Variants in UGT1A4 observed in about 807,000 individuals in gnomAD.
UGT1A4 encodes the protein UDP-glucuronosyltransferase 1A4.
UGT1A4 carries 32 observed loss-of-function variants against 41.1 expected under a neutral mutation model. The ratio of observed to expected loss-of-function variants is 0.78; its 90% CI spans 0.59 to 1.05. The LOEUF (loss-of-function observed/expected upper bound fraction) is 1.05, where lower values mean the gene tolerates loss of function less well. UGT1A4 is among the 50% of genes least tolerant of loss of function. The pLI, the probability that UGT1A4 is intolerant of heterozygous loss-of-function variation, is 0.00. For synonymous variants in UGT1A4, 283 were observed against 265.1 expected (o/e 1.07, Z -0.66); for missense variants, 748 against 677.4 (o/e 1.10, Z -1.16).
At chr2:233,721,253 T>C (rs373881377) in intron 1 of UGT1A4, among the ~76,000 whole-genome samples, 4 of 152,188 alleles carry the variant, frequency 2.6e-5, no homozygotes, top group East Asian at 3.9e-4. Flanking sequence ...AAAATATATA[T>C]GTTCTTTAGC....
intron 1 of UGT1A4, chr2:233,761,293 G>T (rs1697736724): frequency 6.6e-7 from 1 of 1,522,496 alleles, no homozygotes; most frequent in African/African-American, 1.4e-5. Context: ...TTGACTCCTA[G>T]GTTTGAGTCT....
At chr2:233,747,818 A>C in intron 1 of UGT1A4, 1 of 1,613,506 alleles carries the variant, frequency 6.2e-7, no homozygotes, top group Non-Finnish European at 8.5e-7. Flanking sequence ...CGACCAATTC[A>C]GACCACATGA....
chr2:233,757,535 A>AATATATATATATATATATATATATAT (rs67292694), intron 1 of UGT1A4, among the ~76,000 whole-genome samples: 77 of 88,242 alleles, frequency 8.7e-4, no homozygotes, highest in East Asian at 3.1e-3. Context: ...GCCTGTAAGG[A>AATATATATATATATATATATATATAT]ATATATATAT....
In UGT1A4 at chr2:233,719,646, A is replaced by C. The variant is rs147342917; in HGVS notation, c.826A>C (p.Ile276Leu). ...PRPIMPNMVF[I>L]GGINCANGKP... The stretch of plus-strand genomic sequence containing the variant: ...GCCGATCATGCCCAACATGGTCTTC[A>C]TTGGGGGCATCAACTGTGCCAACGG... The change falls in exon 1 of 5, where the codon ATT becomes CTT. Residue 276 changes from isoleucine to leucine, a missense_variant. Physicochemically the swap from Ile to Leu is conservative, Grantham distance 5 (BLOSUM62 2). Transcript: ENST00000373409. 2.8e-3 allele frequency: 4,509 copies of C among 1,613,986 alleles called. 13 individuals carry two copies. Among genetic ancestry groups the C allele is most frequent in the Non-Finnish European group, 3.7e-3 (4,328 of 1,179,976 alleles).
At chr2:233,748,027 A>C in intron 1 of UGT1A4, 1 of 1,613,516 alleles carries the variant, frequency 6.2e-7, no homozygotes, top group Non-Finnish European at 8.5e-7. Flanking sequence ...ATCATGCCCA[A>C]CATGGTCTTC....
At chr2:233,765,693 AAATAATAATAATAATAATT>A (rs1698909746) in intron 1 of UGT1A4, among the ~76,000 whole-genome samples, 1 of 147,312 alleles carries the variant, frequency 6.8e-6, no homozygotes, top group East Asian at 2.0e-4. Flanking sequence ...AACTTCAAGT[AAATAATAATAATAATAATT>A]AATAATAATA....
chr2:233,736,073 G>A (rs972063908), intron 1 of UGT1A4, among the ~76,000 whole-genome samples: 1 of 152,142 alleles, frequency 6.6e-6, no homozygotes, highest in Non-Finnish European at 1.5e-5. Flanking sequence ...CTAGGTTTGG[G>A]AAGTTCTCCT....
intron 1 of UGT1A4, chr2:233,754,360 T>C (rs1695458970): frequency 2.1e-5 from 6 of 282,296 alleles, no homozygotes; most frequent in South Asian, 1.9e-4. Flanking sequence ...CATACAGATA[T>C]TTACAATGAT....
intron 1 of UGT1A4, chr2:233,743,705 G>A (rs756391897): frequency 8.8e-6 from 12 of 1,367,306 alleles, no homozygotes; most frequent in South Asian, 2.3e-5. Context: ...CTCCGCCCCC[G>A]CCTCGCCATA....
chr2:233,747,244 T>C lies in UGT1A4; in HGVS notation c.868-19790T>C, dbSNP rs911449982. The stretch of plus-strand genomic sequence containing the variant: ...CACAGGACCCCAGGTTCCCCTGCTG[T>C]GGCTGGCCACAGGAGTGCTACTCCT... On this transcript the variant is annotated intron_variant, in intron 1 of 4. Coordinates refer to ENST00000373409, the MANE Select transcript of UGT1A4 (RefSeq NM_007120.3). 6 of 1,602,806 alleles carry C rather than the reference T, an allele frequency of 3.7e-6. No homozygotes were observed. The African/African-American group carries it at 5.4e-5, about 14-fold the overall frequency.
intron 1 of UGT1A4, chr2:233,760,103 T>C: frequency 1.7e-6 from 2 of 1,163,022 alleles, no homozygotes; most frequent in Non-Finnish European, 2.3e-6. Context: ...TGTTGCCTAT[T>C]AAGAAACCTA....
rs1228937957 is a variant in UGT1A4 at position 233,725,058 on chromosome 2, G to C, written c.867+5371G>C. Reference sequence around the variant, plus strand: ...CAAAACCAGTCAGGCGTGGCGGCGCGCGCCTGCAATCGCAGGCACTCGGCA... The same window carrying C: ...CAAAACCAGTCAGGCGTGGCGGCGCCCGCCTGCAATCGCAGGCACTCGGCA... On this transcript the variant is annotated intron_variant, in intron 1 of 4. Coordinates refer to ENST00000373409, the MANE Select transcript of UGT1A4 (RefSeq NM_007120.3). Among the ~76,000 whole-genome samples the C allele has an allele frequency of 2.0e-5, 3 of 147,402 alleles. 1 individual carries two copies. The highest frequency in any genetic ancestry group is 5.1e-5 in the African/African-American group (2 of 39,480).
At chr2:233,764,091 A>T (rs1189642052) in intron 1 of UGT1A4, among the ~76,000 whole-genome samples, 1 of 152,202 alleles carries the variant, frequency 6.6e-6, no homozygotes, top group East Asian at 1.9e-4. Flanking sequence ...AAAAGCCTAA[A>T]CTAAAAATAC....
chr2:233,760,847 C>A, intron 1 of UGT1A4: 1 of 1,614,018 alleles, frequency 6.2e-7, no homozygotes, highest in South Asian at 1.1e-5. Flanking sequence ...ACCCAGTGCC[C>A]CAACCCATTC....
intron 1 of UGT1A4, among the ~76,000 whole-genome samples, chr2:233,727,881 A>G (rs2077662339): frequency 6.6e-6 from 1 of 152,168 alleles, no homozygotes; most frequent in Non-Finnish European, 1.5e-5. Context: ...CTCACCAGCA[A>G]TGGCAGACAC....
At chr2:233,765,965 G>A (rs926314619) in intron 1 of UGT1A4, among the ~76,000 whole-genome samples, 1 of 152,142 alleles carries the variant, frequency 6.6e-6, no homozygotes, top group Admixed American at 6.5e-5. Flanking sequence ...AGTGTCTAGA[G>A]GTGGATGTTT....
chr2:233,766,442 C>CT (rs982093013), intron 1 of UGT1A4, among the ~76,000 whole-genome samples: 2 of 152,206 alleles, frequency 1.3e-5, no homozygotes, highest in African/African-American at 4.8e-5. Flanking sequence ...ACCTGTGTGT[C>CT]TGCCTGCTAG....
chr2:233,724,474 C>G, intron 1 of UGT1A4, among the ~76,000 whole-genome samples: 1 of 78,814 alleles, frequency 1.3e-5, no homozygotes, highest in East Asian at 2.8e-4. Flanking sequence ...GGGCTCCTCA[C>G]TTCTCAGACG....
chr2:233,755,141 C>A lies in UGT1A4; in HGVS notation c.868-11893C>A. On this transcript the variant is annotated intron_variant, in intron 1 of 4. Coordinates refer to ENST00000373409, the MANE Select transcript of UGT1A4 (RefSeq NM_007120.3). ...CCTCAGCCACCTGCTTGAATCTTCT[C>A]ACCGCTTCCTCCCTGTCCTCGGGGT... 4 of 1,309,666 alleles carry A rather than the reference C, an allele frequency of 3.1e-6. No homozygotes were observed. In the South Asian group the frequency reaches 4.6e-5, roughly 15 times the overall value. 81.1% of individuals were successfully genotyped at this position (1,309,666 alleles called of 1,614,324 possible). A position where few individuals can be genotyped will look rare whatever the true frequency, so the allele number is the denominator to read the frequency against.
Sources: gnomAD v4.1 joint callset for allele counts (sites outside exome capture counted in the v4.1 genomes callset) on GRCh38, gnomAD v4.1.1 for gene constraint, MANE v1.5 for transcripts, NCBI Gene and HGNC (gene_info 2026-07-23, HGNC 2026-07-21) for gene names.